Variants in MAP7 observed in about 807,000 individuals in gnomAD.
MAP7 encodes the protein microtubule associated protein 7, also known as ensconsin.
A neutral mutation model predicts 94.8 loss-of-function variants in MAP7; 52 were observed. That is an observed-to-expected ratio of 0.55 (90% confidence interval 0.44 to 0.69). MAP7 has a LOEUF of 0.69. Among genes scored for constraint, MAP7 ranks in the 30% least tolerant of loss-of-function variants. The probability of loss-of-function intolerance (pLI) is 0.00; values close to 1 mark genes in which losing one functional copy is unlikely to be tolerated. For missense variants in MAP7, 940 were observed against 964.6 expected (o/e 0.97, Z 0.34); for synonymous variants, 350 against 357.0 (o/e 0.98, Z 0.22).
chr6:136,434,509 A>C (rs1301461973), intron 1 of MAP7, among the ~76,000 whole-genome samples: 1 of 152,132 alleles, frequency 6.6e-6, no homozygotes, highest in Non-Finnish European at 1.5e-5. Flanking sequence ...TAAATCACAA[A>C]GCATTCCTCT....
At chr6:136,526,416 T>A in intron 1 of MAP7, 1 of 988,332 alleles carries the variant, frequency 1.0e-6, no homozygotes, top group South Asian at 4.7e-5. Context: ...CCAATCTTCT[T>A]CCTGCTACCA....
intron 1 of MAP7, among the ~76,000 whole-genome samples, chr6:136,432,407 A>G (rs1393514921): frequency 6.6e-6 from 1 of 152,226 alleles, no homozygotes; most frequent in African/African-American, 2.4e-5. Flanking sequence ...TTAGATTTGA[A>G]AATAGTGGGA....
intron 2 of MAP7, among the ~76,000 whole-genome samples, chr6:136,417,393 C>T (rs1424091728): frequency 6.6e-6 from 1 of 152,192 alleles, no homozygotes; most frequent in Non-Finnish European, 1.5e-5. Flanking sequence ...TTGCCTTACA[C>T]ACATCTGAGA....
intron 1 of MAP7, among the ~76,000 whole-genome samples, chr6:136,524,585 C>G (rs1827315681): frequency 6.6e-6 from 1 of 152,180 alleles, no homozygotes; most frequent in Non-Finnish European, 1.5e-5. Flanking sequence ...GGAGCCAGGT[C>G]TGATAGTAAA....
chr6:136,534,854 T>C (rs1024485035), intron 1 of MAP7, among the ~76,000 whole-genome samples: 3 of 152,116 alleles, frequency 2.0e-5, no homozygotes, highest in Admixed American at 1.3e-4. Flanking sequence ...AGTACAGATA[T>C]ATAGATTACA....
At chr6:136,483,831 C>A (rs1813728373) in intron 1 of MAP7, among the ~76,000 whole-genome samples, 1 of 152,144 alleles carries the variant, frequency 6.6e-6, no homozygotes, top group South Asian at 2.1e-4. Flanking sequence ...GATTCTTTTA[C>A]ATAGTGGCCT....
intron 3 of MAP7, among the ~76,000 whole-genome samples, chr6:136,393,213 T>A (rs1185347240): frequency 6.6e-6 from 1 of 152,108 alleles, no homozygotes; most frequent in East Asian, 1.9e-4. Context: ...TTAGATCCCA[T>A]CTCCTTAATG....
intron 2 of MAP7, among the ~76,000 whole-genome samples, chr6:136,418,012 A>C (rs1326128424): frequency 1.3e-5 from 2 of 152,246 alleles, no homozygotes; most frequent in Non-Finnish European, 2.9e-5. Flanking sequence ...AATCATTTGA[A>C]GGCAGCTGGA....
In MAP7 at chr6:136,550,194, GCGCGGCGCGCAGGGCCGGTTGTTCCGGGC is replaced by G. The variant is rs1372638724; in HGVS notation, c.67+119_67+147del. 38 of 487,996 alleles carry G rather than the reference GCGCGGCGCGCAGGGCCGGTTGTTCCGGGC, an allele frequency of 7.8e-5. No homozygotes were observed. Among genetic ancestry groups the G allele is most frequent in the Non-Finnish European group, 1.1e-4 (38 of 342,376 alleles). 30.2% of individuals were successfully genotyped at this position (487,996 alleles called of 1,614,324 possible). A position where few individuals can be genotyped will look rare whatever the true frequency, so the allele number is the denominator to read the frequency against. On this transcript the variant is annotated intron_variant, in intron 1 of 17. Transcript: ENST00000354570. This position sits in a 1 kb window ranked among gnomAD's most constrained non-coding sequence, Gnocchi z 5.1. ...GGGGAAGGCGCTCTCGGAGCAGGGT[GCGCGGCGCGCAGGGCCGGTTGTTCCGGGC>G]CGCGGCCGCGCGGGCGGGGAGGGGG...
chr6:136,392,283 T>C lies in MAP7; in HGVS notation c.245-2766A>G, dbSNP rs549460178. ...TAGTAGAGATAAGGTTTTGCCATAT[T>C]GCCCAGGCTGGTCTTGACCTCCTCA... On this transcript the variant is annotated intron_variant, in intron 3 of 17. Coordinates refer to ENST00000354570, the MANE Select transcript of MAP7 (RefSeq NM_003980.6). 2.0e-5 allele frequency among the ~76,000 whole-genome samples: 3 copies of C among 152,214 alleles called. No individual in the cohort carries two copies. In the East Asian group the frequency reaches 5.8e-4, roughly 29 times the overall value.
At chr6:136,497,262 T>C (rs746278352) in intron 1 of MAP7, among the ~76,000 whole-genome samples, 1 of 151,958 alleles carries the variant, frequency 6.6e-6, no homozygotes, top group East Asian at 1.9e-4. Context: ...GGCTACAAGA[T>C]GAAAAGCTAC....
chr6:136,440,328 C>T (rs1239012229), intron 1 of MAP7, among the ~76,000 whole-genome samples: 1 of 152,110 alleles, frequency 6.6e-6, no homozygotes, highest in African/African-American at 2.4e-5. Flanking sequence ...TGATAGAGAT[C>T]TCTACGGGAA....
At chr6:136,512,229 A>G (rs1823498757) in intron 1 of MAP7, among the ~76,000 whole-genome samples, 1 of 152,206 alleles carries the variant, frequency 6.6e-6, no homozygotes, top group Admixed American at 6.5e-5. Flanking sequence ...GTTGCCTCCA[A>G]TCAGTTATCT....
At chr6:136,432,316 A>G (rs1795168175) in intron 1 of MAP7, among the ~76,000 whole-genome samples, 1 of 152,210 alleles carries the variant, frequency 6.6e-6, no homozygotes, top group Non-Finnish European at 1.5e-5. Flanking sequence ...TTGATCCATC[A>G]TGAATCCTAT....
intron 1 of MAP7, among the ~76,000 whole-genome samples, chr6:136,459,384 T>C (rs1804432630): frequency 6.6e-6 from 1 of 152,112 alleles, no homozygotes; most frequent in Non-Finnish European, 1.5e-5. Flanking sequence ...AAATACCATA[T>C]GATTCAGCAA....
In MAP7 at chr6:136,361,131, A is replaced by G. The variant is rs749793237; in HGVS notation, c.1575T>C (p.Thr525=). The G allele has an allele frequency of 1.9e-4, 300 of 1,605,444 alleles. No homozygotes were observed. Among genetic ancestry groups the G allele is most frequent in the Non-Finnish European group, 1.9e-4 (226 of 1,179,952 alleles). Residue 525 remains threonine, a synonymous_variant, in exon 12 of 18, where the codon ACT becomes ACC. Transcript: ENST00000354570. ...GCCTGCGCGACTCCTCCTCACGGCG[A>G]GTCGTCCTCTCTTCAGCCACACGTT... The part of the protein sequence containing the change: ...LAQRVAEERT[T]RREEESRRLE...
intron 3 of MAP7, among the ~76,000 whole-genome samples, chr6:136,406,682 G>A (rs1271155797): frequency 2.0e-5 from 3 of 152,242 alleles, no homozygotes; most frequent in South Asian, 4.1e-4. Flanking sequence ...TTAGCTGGGC[G>A]TGGTAGCACA....
intron 1 of MAP7, among the ~76,000 whole-genome samples, chr6:136,490,269 C>A (rs1816156631): frequency 6.6e-6 from 1 of 152,102 alleles, no homozygotes; most frequent in South Asian, 2.1e-4. Flanking sequence ...TGAATAAAAT[C>A]TTAATAATAT....
At chr6:136,411,161 C>T (rs1218899636) in intron 3 of MAP7, among the ~76,000 whole-genome samples, 2 of 152,124 alleles carry the variant, frequency 1.3e-5, no homozygotes, top group African/African-American at 4.8e-5. Context: ...TCACAAGGGC[C>T]TTGGGTAATA....
Sources: allele counts gnomAD v4.1 joint callset (sites outside exome capture counted in the v4.1 genomes callset), GRCh38; gene constraint gnomAD v4.1.1; non-coding constraint Gnocchi (gnomAD v3.1); transcripts MANE v1.5; gene names NCBI Gene and HGNC (gene_info 2026-07-23, HGNC 2026-07-21).